Variants in ATP5MG observed in about 807,000 individuals in gnomAD.
ATP5MG encodes the protein ATP synthase membrane subunit g.
Under a neutral mutation model 12.7 loss-of-function variants are expected in ATP5MG, and 7 were observed. The ratio of observed to expected loss-of-function variants is 0.55; its 90% CI spans 0.31 to 1.04. The LOEUF (loss-of-function observed/expected upper bound fraction) is 1.04, where lower values mean the gene tolerates loss of function less well. ATP5MG is among the 50% of genes least tolerant of loss of function. The probability of loss-of-function intolerance (pLI) is 0.05; values close to 1 mark genes in which losing one functional copy is unlikely to be tolerated. For missense variants in ATP5MG, 116 were observed against 126.7 expected (o/e 0.92, Z 0.41); for synonymous variants, 53 against 48.2 (o/e 1.10, Z -0.41).
intron 1 of ATP5MG, chr11:118,404,006 TATATA>T (rs1948952348): frequency 6.6e-6 from 1 of 152,252 alleles, no homozygotes; most frequent in East Asian, 1.9e-4. Context: ...TGTTATGAAA[TATATA>T]ATATGAACCC....
rs782505577 is a variant in ATP5MG at position 118,401,665 on chromosome 11, C to T, written c.-1C>T. Reference sequence around the variant, plus strand: ...GGCGACGGACTCTCCATTCCAGAACCATGGCCCAATTTGTCCGTAACCTTG... The same window carrying T: ...GGCGACGGACTCTCCATTCCAGAACTATGGCCCAATTTGTCCGTAACCTTG... On this transcript the variant is annotated 5_prime_UTR_variant, in exon 1 of 3. Transcript: ENST00000300688. The T allele has an allele frequency of 5.6e-6, 9 of 1,614,062 alleles. No individual in the cohort carries two copies. Among genetic ancestry groups the T allele is most frequent in the Non-Finnish European group, 7.6e-6 (9 of 1,180,030 alleles).
At chr11:118,403,927 G>A (rs1047682496) in intron 1 of ATP5MG, 1 of 151,914 alleles carries the variant, frequency 6.6e-6, no homozygotes, top group Non-Finnish European at 1.5e-5. Context: ...TTTTTAGGTG[G>A]CGCATATTAA....
intron 2 of ATP5MG, among the ~76,000 whole-genome samples, chr11:118,407,922 G>A (rs1285616707): frequency 1.3e-5 from 2 of 152,152 alleles, no homozygotes; most frequent in African/African-American, 4.8e-5. Flanking sequence ...CAGCACTTTG[G>A]GAGGCCGAGG....
chr11:118,407,952 G>A (rs1948986981), intron 2 of ATP5MG, among the ~76,000 whole-genome samples: 1 of 152,124 alleles, frequency 6.6e-6, no homozygotes, highest in Admixed American at 6.5e-5. Context: ...CACGAGGTCA[G>A]GAGATCAAGA....
At chr11:118,403,329 C>T (rs1948945380) in intron 1 of ATP5MG, among the ~76,000 whole-genome samples, 1 of 151,856 alleles carries the variant, frequency 6.6e-6, no homozygotes, top group Non-Finnish European at 1.5e-5. Flanking sequence ...AACCCCATCT[C>T]TACAAAAAAT....
At chr11:118,408,175 A>G (rs1555132455) in intron 2 of ATP5MG, among the ~76,000 whole-genome samples, 1 of 152,178 alleles carries the variant, frequency 6.6e-6, no homozygotes, top group African/African-American at 2.4e-5. Flanking sequence ...AAAAAGAAAA[A>G]GGAAAGAAAA....
chr11:118,406,997 T>C lies in ATP5MG; in HGVS notation c.113T>C (p.Leu38Pro). 1 of 1,614,116 alleles carries C rather than the reference T, an allele frequency of 6.2e-7. No individual in the cohort carries two copies. Among genetic ancestry groups the C allele is most frequent in the Non-Finnish European group, 8.5e-7 (1 of 1,180,002 alleles). Residue 38 changes from leucine to proline, a missense_variant, in exon 2 of 3, where the codon CTG becomes CCG. Transcript: ENST00000300688. ...ATFWYYAKVE[L>P]VPPTPAEIPR... Reference sequence around the variant, plus strand: ...TTTTGGTACTACGCCAAGGTTGAGCTGGTTCCTCCCACCCCTGCTGAGATC... The same window carrying C: ...TTTTGGTACTACGCCAAGGTTGAGCCGGTTCCTCCCACCCCTGCTGAGATC...
intron 1 of ATP5MG, among the ~76,000 whole-genome samples, chr11:118,403,342 A>G (rs782455143): frequency 3.3e-5 from 5 of 152,120 alleles, no homozygotes; most frequent in Non-Finnish European, 7.4e-5. Context: ...CAAAAAATAC[A>G]AAAATTAGGC....
At position 118,401,632 on chromosome 11, in the gene ATP5MG, C is replaced by A. The variant is rs782356794; in HGVS notation, c.-34C>A. The A allele has an allele frequency of 3.7e-6, 6 of 1,613,394 alleles. No homozygotes were observed. The highest frequency in any genetic ancestry group is 2.5e-6 in the Non-Finnish European group (3 of 1,179,572). On this transcript the variant is annotated 5_prime_UTR_variant, in exon 1 of 3. Coordinates refer to ENST00000300688, the MANE Select transcript of ATP5MG (RefSeq NM_006476.5). ...CTTCCGGCGGGTGACATTCAGCCGG[C>A]GGTTCGGGGCGACGGACTCTCCATT...
chr11:118,407,861 C>A (rs1555132383), intron 2 of ATP5MG, among the ~76,000 whole-genome samples: 2 of 151,696 alleles, frequency 1.3e-5, no homozygotes, highest in Admixed American at 1.3e-4. Flanking sequence ...AAGACCCTAT[C>A]TCTTAAAAAA....
rs946772994 is a variant in ATP5MG at position 118,404,986 on chromosome 11, G to A, written c.53-1951G>A. Among the ~76,000 whole-genome samples, 4 of 152,268 alleles carry A rather than the reference G, an allele frequency of 2.6e-5. No homozygotes were observed. The East Asian group carries it at 7.7e-4, about 29-fold the overall frequency. ...GCTATTTGGGAGCTCTTTCAGGTTA[G>A]CACCTCTGTCCCTTTGACATACCGC... is the stretch of plus-strand genomic sequence containing the variant. On this transcript the variant is annotated intron_variant, in intron 1 of 2. Coordinates refer to ENST00000300688, the MANE Select transcript of ATP5MG (RefSeq NM_006476.5).
chr11:118,401,779 TGA>T (rs1231817891), intron 1 of ATP5MG, 62 bp downstream of exon 1: 6 of 1,578,302 alleles, frequency 3.8e-6, no homozygotes, highest in South Asian at 1.1e-5. Context: ...TGCGATGGCC[TGA>T]GAGGAAGAAG....
intron 2 of ATP5MG, among the ~76,000 whole-genome samples, chr11:118,407,824 A>G (rs782051007): frequency 7.9e-5 from 12 of 151,912 alleles, no homozygotes; most frequent in Non-Finnish European, 1.6e-4. Context: ...GTGAGCTCTG[A>G]TTGTGTCACT....
Position 118,407,079 on chromosome 11 carries a change from C to T in ATP5MG, c.195C>T (p.Phe65=), listed in dbSNP as rs782088006. 6.2e-7 allele frequency: 1 copy of T among 1,614,072 alleles called. No individual in the cohort carries two copies. Among genetic ancestry groups the T allele is most frequent in the South Asian group, 1.1e-5 (1 of 91,078 alleles). Residue 65 remains phenylalanine (F), a synonymous_variant, in exon 2 of 3, where the codon TTC becomes TTT. Coordinates refer to ENST00000300688, the MANE Select transcript of ATP5MG (RefSeq NM_006476.5). ...TCAATAGTGCTCAGACTGGTAGCTT[C>T]AAACAGCTCACAGTTAAGGTAACCA... ...KIVNSAQTGS[F]KQLTVKEAVL...
chr11:118,405,214 A>C (rs986569118), intron 1 of ATP5MG, among the ~76,000 whole-genome samples: 10 of 152,188 alleles, frequency 6.6e-5, no homozygotes, highest in Non-Finnish European at 1.3e-4. Context: ...GAATATAGAT[A>C]TGTATCAGTA....
intron 1 of ATP5MG, chr11:118,405,999 A>C (rs1948968851): frequency 6.6e-6 from 1 of 152,152 alleles, no homozygotes. Context: ...AGTAGCTGGG[A>C]CTACCGGCAC....
intron 1 of ATP5MG, chr11:118,403,833 GGCTTCACTC>G (rs1555131661): frequency 3.3e-5 from 5 of 151,618 alleles, no homozygotes; most frequent in Non-Finnish European, 5.9e-5. Flanking sequence ...AAGGATTAGA[GGCTTCACTC>G]TGGACTTTGT....
chr11:118,401,868 G>A, intron 1 of ATP5MG, 151 bp downstream of exon 1: 1 of 902,926 alleles, frequency 1.1e-6, no homozygotes, highest in Non-Finnish European at 1.7e-6. Flanking sequence ...GAAGCAGGTT[G>A]GCGACTCTTT....
intron 1 of ATP5MG, among the ~76,000 whole-genome samples, chr11:118,402,696 CTTTT>C (rs782335353): frequency 7.8e-6 from 1 of 128,192 alleles, no homozygotes; most frequent in African/African-American, 2.9e-5. Context: ...TTCTTTCTTT[CTTTT>C]TTTTTTTTTT....
Sources: allele counts gnomAD v4.1 joint callset (sites outside exome capture counted in the v4.1 genomes callset), GRCh38; gene constraint gnomAD v4.1.1; transcripts MANE v1.5; gene names NCBI Gene and HGNC (gene_info 2026-07-23, HGNC 2026-07-21).